Variants in ITGB2 observed in about 807,000 individuals in gnomAD.
The protein encoded by ITGB2 is integrin beta-2.
ITGB2 carries 56 observed loss-of-function variants against 86.8 expected under a neutral mutation model. The observed-to-expected ratio is 0.65, with a 90% CI of 0.52 to 0.81. The LOEUF is 0.81. ITGB2 is among the 30% of genes least tolerant of loss of function. The pLI is 0.00. For missense variants in ITGB2, 948 were observed against 1,061.2 expected (o/e 0.89, Z 1.48); for synonymous variants, 457 against 450.4 (o/e 1.01, Z -0.19).
At chr21:44,914,936 A>C (rs112160070) in intron 1 of ITGB2, among the ~76,000 whole-genome samples, 1 of 152,022 alleles carries the variant, frequency 6.6e-6, no homozygotes, top group East Asian at 1.9e-4. Flanking sequence ...CTGTCTCAAA[A>C]AAAAAAGAAA....
intron 4 of ITGB2, 148 bp downstream of exon 4, chr21:44,906,767 C>A: frequency 1.2e-6 from 1 of 803,184 alleles, no homozygotes; most frequent in Non-Finnish European, 2.1e-6. Context: ...TTTCCAGCAG[C>A]CTTGGGGCTT....
At chr21:44,916,805 G>T (rs986677308) in intron 1 of ITGB2, among the ~76,000 whole-genome samples, 2 of 151,328 alleles carry the variant, frequency 1.3e-5, no homozygotes, top group African/African-American at 2.4e-5. Flanking sequence ...GAGGCAGAGG[G>T]TGCAGTGAGC....
chr21:44,892,637 A>G (rs1445397323), intron 10 of ITGB2, among the ~76,000 whole-genome samples: 2 of 150,890 alleles, frequency 1.3e-5, no homozygotes, highest in Non-Finnish European at 3.0e-5. Context: ...ATCCACAGGC[A>G]ACATTTACCA....
At chr21:44,923,126 G>T (rs1055393103), upstream of ITGB2, 3 of 152,102 alleles carry the variant, frequency 2.0e-5, no homozygotes. Flanking sequence ...GAATCAGGTC[G>T]AACTTTTTAG....
chr21:44,886,487 T>C, intron 15 of ITGB2, 57 bp from the exon 16 acceptor site: 3 of 1,572,890 alleles, frequency 1.9e-6, no homozygotes, highest in East Asian at 2.2e-5. Flanking sequence ...GAGCAGAATC[T>C]TTCTCCCTGA....
At chr21:44,918,935 A>G (rs8130796) in intron 1 of ITGB2, among the ~76,000 whole-genome samples, 16,064 of 110,362 alleles carry the variant, frequency 0.15, 1,793 homozygotes, top group South Asian at 0.2. Context: ...TTGGGTGGCT[A>G]AGCGTCCCCT....
intron 1 of ITGB2, among the ~76,000 whole-genome samples, chr21:44,920,333 C>T (rs953307297): frequency 7.2e-5 from 11 of 152,168 alleles, no homozygotes; most frequent in African/African-American, 2.7e-4. Context: ...CCACGAACCA[C>T]ACCACACCAT....
intron 1 of ITGB2, among the ~76,000 whole-genome samples, chr21:44,916,282 C>A (rs1029130258): frequency 6.6e-6 from 1 of 151,230 alleles, no homozygotes; most frequent in Non-Finnish European, 1.5e-5. Context: ...AGACACCCCA[C>A]CCCCCCGACA....
Position 44,890,076 on chromosome 21 carries a change from TG to T in ITGB2, c.1558del (p.His520ThrfsTer9). 1.2e-6 allele frequency: 2 copies of T among 1,613,456 alleles called. No homozygotes were observed. The highest frequency in any genetic ancestry group is 1.7e-6 in the Non-Finnish European group (2 of 1,180,012). On this transcript the variant is annotated frameshift_variant, in exon 12 of 16. Coordinates refer to ENST00000652462, the MANE Select transcript of ITGB2 (RefSeq NM_000211.5). LOFTEE classifies it high-confidence loss of function. ...GDCVCGQCLC[H>X]TSDVPGKLIY... The stretch of plus-strand genomic sequence containing the variant: ...CAGCTTGCCGGGGACGTCGCTGGTG[TG>T]GCACAGGCACTGCCCGCAGACACAG...
chr21:44,925,422 GGGAAGGAAGGAAGGAAGGAAGGAA>G (rs71334040), upstream of ITGB2, among the ~76,000 whole-genome samples: 8 of 54,740 alleles, frequency 1.5e-4, no homozygotes, highest in Non-Finnish European at 2.6e-4. Flanking sequence ...GAGGGAGGGA[GGGAAGGAAGGAAGGAAGGAAGGAA>G]GGAAGGAAGG....
intron 13 of ITGB2, 161 bp from the exon 14 acceptor site, chr21:44,889,056 G>A (rs889294016): frequency 1.1e-5 from 8 of 711,956 alleles, no homozygotes; most frequent in Non-Finnish European, 1.9e-5. Context: ...TGCAGCGGGT[G>A]AACTGGAAGC....
intron 2 of ITGB2, 158 bp from the exon 3 acceptor site, chr21:44,910,530 G>A: frequency 6.7e-7 from 1 of 1,488,074 alleles, no homozygotes; most frequent in African/African-American, 1.4e-5. Context: ...TGCAAAGAGG[G>A]GCCCTCGGGA....
intron 10 of ITGB2, among the ~76,000 whole-genome samples, chr21:44,892,544 G>A (rs1015153364): frequency 7.1e-6 from 1 of 139,892 alleles, no homozygotes; most frequent in Non-Finnish European, 1.5e-5. Context: ...CACTTGGATT[G>A]TAGTGAGCCA....
Position 44,903,397 on chromosome 21 carries a change from G to T in ITGB2, c.467C>A (p.Ala156Asp), listed in dbSNP as rs2083994431. ...GCCGGACTCGGTGATCTCGTTGAGGGCCCGGAGCAGGTCGCCACCTAGCTT... is the reference window on the plus strand; with the variant it reads ...GCCGGACTCGGTGATCTCGTTGAGGTCCCGGAGCAGGTCGCCACCTAGCTT... ...VKKLGGDLLR[A>D]LNEITESGRI... The change falls in exon 5 of 16, where the codon GCC (alanine) becomes GAC (aspartate). Residue 156 changes from alanine to aspartate, a missense_variant. Ala to Asp is a moderately radical substitution (Grantham distance 126). Coordinates refer to ENST00000652462, the MANE Select transcript of ITGB2 (RefSeq NM_000211.5). The T allele has an allele frequency of 6.2e-7, 1 of 1,614,004 alleles. No homozygotes were observed.
chr21:44,891,203 G>A (rs1264910523), intron 11 of ITGB2, among the ~76,000 whole-genome samples: 2 of 152,242 alleles, frequency 1.3e-5, no homozygotes, highest in African/African-American at 2.4e-5. Context: ...TGAGTGCCAT[G>A]TGAACCTCCC....
At chr21:44,891,024 A>T (rs1237035824) in intron 11 of ITGB2, among the ~76,000 whole-genome samples, 2 of 151,972 alleles carry the variant, frequency 1.3e-5, no homozygotes, top group Non-Finnish European at 2.9e-5. Flanking sequence ...AGGGACCTGA[A>T]GGTGAGGAAG....
chr21:44,889,487 G>T lies in ITGB2; in HGVS notation c.1666C>A (p.Leu556Ile). The T allele has an allele frequency of 6.4e-7, 1 of 1,568,798 alleles. No homozygotes were observed. ...GQVCGGPGRG[L>I]CFCGKCRCHP... is the part of the protein sequence containing the mutation. Reference sequence around the variant, plus strand: ...CAGCGGCACTTCCCGCAGAAGCAGAGCCCCCTCCCTGGAAGACGGGGCAGC... The same window carrying T: ...CAGCGGCACTTCCCGCAGAAGCAGATCCCCCTCCCTGGAAGACGGGGCAGC... Residue 556 changes from leucine (L) to isoleucine (I), a missense_variant, in exon 13 of 16, where the codon CTC (leucine) becomes ATC (isoleucine). Leu to Ile is a conservative substitution (Grantham distance 5, BLOSUM62 2). Transcript: ENST00000652462.
At chr21:44,906,831 C>A in intron 4 of ITGB2, 84 bp downstream of exon 4, 1 of 1,455,166 alleles carries the variant, frequency 6.9e-7, no homozygotes, top group Non-Finnish European at 9.6e-7. Context: ...GCAGCCCTGA[C>A]ACCCCAGAGC....
chr21:44,916,009 G>A (rs1300633290), intron 1 of ITGB2, among the ~76,000 whole-genome samples: 2 of 151,624 alleles, frequency 1.3e-5, no homozygotes, highest in Non-Finnish European at 2.9e-5. Context: ...TGCAACCTCC[G>A]CCTCCCATGT....
Sources: allele counts gnomAD v4.1 joint callset (sites outside exome capture counted in the v4.1 genomes callset), GRCh38; gene constraint gnomAD v4.1.1; transcripts MANE v1.5; gene names NCBI Gene and HGNC (gene_info 2026-07-23, HGNC 2026-07-21).